USP15: variants seen among roughly 807,000 people sequenced by gnomAD.
USP15 encodes ubiquitin carboxyl-terminal hydrolase 15.
In USP15, 18 loss-of-function variants were observed where a neutral mutation model predicts 127.1. The ratio of observed to expected loss-of-function variants is 0.14; its 90% confidence interval spans 0.10 to 0.21. The LOEUF is 0.21. Ranked by LOEUF, USP15 falls within the 10% of genes least tolerant of loss-of-function variation. USP15 has a pLI of 1.00. For synonymous variants in USP15, 364 were observed against 393.7 expected, an observed-to-expected ratio of 0.92 and a Z score of 0.89; for missense variants, 805 against 1,159.9, an observed-to-expected ratio of 0.69 and a Z score of 4.44.
At chr12:62,395,091 T>C (rs2067445401) in intron 19 of USP15, among the ~76,000 whole-genome samples, 1 of 152,148 alleles carries the variant, frequency 6.6e-6, no homozygotes, top group Non-Finnish European at 1.5e-5. Flanking sequence ...ACAGCAAATG[T>C]AGAATAAAAA....
chr12:62,262,193 C>A (rs1002383953), intron 1 of USP15, among the ~76,000 whole-genome samples: 1 of 151,880 alleles, frequency 6.6e-6, no homozygotes, highest in South Asian at 2.1e-4. Flanking sequence ...AGCCGAGATC[C>A]GGCCACTGCA....
intron 8 of USP15, among the ~76,000 whole-genome samples, chr12:62,379,221 A>G (rs1041867419): frequency 1.3e-5 from 2 of 151,164 alleles, no homozygotes; most frequent in African/African-American, 4.9e-5. Context: ...AAAAAAGTAC[A>G]TTTCCAAGTA....
chr12:62,381,757 A>G, intron 9 of USP15, 94 bp downstream of exon 9: 1 of 1,300,880 alleles, frequency 7.7e-7, no homozygotes, highest in Non-Finnish European at 1.1e-6. Context: ...TAGCTATTAC[A>G]ATGGTTTGTG....
chr12:62,350,343 A>G (rs755291825), intron 7 of USP15, among the ~76,000 whole-genome samples: 1 of 152,162 alleles, frequency 6.6e-6, no homozygotes, highest in Non-Finnish European at 1.5e-5. Context: ...ATCTTTGTAT[A>G]AAAAGAATTT....
At chr12:62,338,410 C>T (rs907472435) in intron 6 of USP15, among the ~76,000 whole-genome samples, 5 of 152,102 alleles carry the variant, frequency 3.3e-5, no homozygotes, top group African/African-American at 1.2e-4. Flanking sequence ...CAGAAATTTT[C>T]TCCCATTCTG....
Position 62,405,688 on chromosome 12 carries a change from GACT to G in USP15, c.*1316_*1318del, listed in dbSNP as rs1402328649. Reference sequence around the variant, plus strand: ...AATGCTGGGGCACATTTCACATATCGACTACCTGAGAAATTGCTTTGTGTCCCA... The same window carrying G: ...AATGCTGGGGCACATTTCACATATCGACCTGAGAAATTGCTTTGTGTCCCA... On this transcript the variant is annotated 3_prime_UTR_variant, in exon 22 of 22. Coordinates refer to ENST00000280377, the MANE Select transcript of USP15 (RefSeq NM_001252078.2). 5.3e-5 allele frequency: 8 copies of G among 152,324 alleles called. No individual in the cohort carries two copies. Among genetic ancestry groups the G allele is most frequent in the Admixed American group, 3.9e-4 (6 of 15,248 alleles). 9.4% of individuals were successfully genotyped at this position (152,324 alleles called of 1,614,324 possible).
chr12:62,377,636 C>G (rs2066870872), intron 8 of USP15, among the ~76,000 whole-genome samples: 1 of 151,822 alleles, frequency 6.6e-6, no homozygotes, highest in South Asian at 2.1e-4. Context: ...AGGAGAATTT[C>G]TTGAACCTGG....
At chr12:62,358,989 C>T (rs2137464716) in intron 8 of USP15, among the ~76,000 whole-genome samples, 1 of 152,056 alleles carries the variant, frequency 6.6e-6, no homozygotes, top group Non-Finnish European at 1.5e-5. Flanking sequence ...ATATCCTGAC[C>T]TTATGAAGAT....
intron 1 of USP15, among the ~76,000 whole-genome samples, chr12:62,291,506 G>A (rs1208258250): frequency 2.6e-5 from 4 of 152,068 alleles, no homozygotes; most frequent in Non-Finnish European, 5.9e-5. Flanking sequence ...GAATTATTTA[G>A]CATTTCAGTA....
rs983968808 is a variant in USP15 at position 62,413,035 on chromosome 12, A to G, written c.*8660A>G. On this transcript the variant is annotated 3_prime_UTR_variant, in exon 22 of 22. Coordinates refer to ENST00000280377, the MANE Select transcript of USP15 (RefSeq NM_001252078.2). ...GAAAGCTGAAGTTATTCTTTGATCT[A>G]TGGCTGCAGAATGGATGTTGTGTTA... 1.3e-5 allele frequency: 2 copies of G among 152,220 alleles called. No homozygotes were observed. Among genetic ancestry groups the G allele is most frequent in the African/African-American group, 4.8e-5 (2 of 41,448 alleles). The allele number at this position is 152,220 out of a possible 1,614,324, so 9.4% of individuals were successfully genotyped here.
At chr12:62,390,695 TTAC>T (rs1306298986) in intron 14 of USP15, among the ~76,000 whole-genome samples, 166 bp from the exon 15 acceptor site, 36 of 152,252 alleles carry the variant, frequency 2.4e-4, no homozygotes, top group African/African-American at 7.5e-4. Flanking sequence ...GCAAAACAAA[TTAC>T]TAGTCAGTTA....
chr12:62,280,794 AGCT>A lies in USP15; in HGVS notation c.90-13383_90-13381del, dbSNP rs2063626572. Reference sequence around the variant, plus strand: ...CAAGGAAATGAAAGAAGGCTCTTGCAGCTGGATCTGGGCACAAAGAAAAATGGT... The same window carrying A: ...CAAGGAAATGAAAGAAGGCTCTTGCAGGATCTGGGCACAAAGAAAAATGGT... On this transcript the variant is annotated intron_variant, in intron 1 of 21. Coordinates refer to ENST00000280377, the MANE Select transcript of USP15 (RefSeq NM_001252078.2). Among the ~76,000 whole-genome samples, 6 of 152,306 alleles carry A rather than the reference AGCT, an allele frequency of 3.9e-5. No individual in the cohort carries two copies. The South Asian group carries it at 1.2e-3, about 32-fold the overall frequency.
chr12:62,272,740 A>C (rs56049136), intron 1 of USP15, among the ~76,000 whole-genome samples: 12,159 of 152,048 alleles, frequency 0.08, 590 homozygotes, highest in Middle Eastern at 0.16. Flanking sequence ...CTCCAGAGCC[A>C]TTGAAAATTA....
At position 62,295,291 on chromosome 12, in the gene USP15, A is replaced by C. The variant is rs547930760; in HGVS notation, c.217+985A>C. 6.7e-4 allele frequency among the ~76,000 whole-genome samples: 102 copies of C among 152,362 alleles called. 1 individual carries two copies. Among genetic ancestry groups the C allele is most frequent in the African/African-American group, 2.4e-3 (99 of 41,586 alleles). On this transcript the variant is annotated intron_variant, in intron 2 of 21. Coordinates refer to ENST00000280377, the MANE Select transcript of USP15 (RefSeq NM_001252078.2). Reference sequence around the variant, plus strand: ...AATCGTTTGTGTTCTCAGCAGCCAGAGTGGAAAACCACATAATTTAGAGTA... The same window carrying C: ...AATCGTTTGTGTTCTCAGCAGCCAGCGTGGAAAACCACATAATTTAGAGTA...
chr12:62,261,280 T>G (rs11174401), intron 1 of USP15, among the ~76,000 whole-genome samples: 40 of 151,996 alleles, frequency 2.6e-4, no homozygotes, highest in African/African-American at 9.7e-4. Context: ...ATACCAAAGG[T>G]TATACATTTA....
chr12:62,273,486 T>C (rs2063397038), intron 1 of USP15, among the ~76,000 whole-genome samples: 1 of 152,106 alleles, frequency 6.6e-6, no homozygotes, highest in Non-Finnish European at 1.5e-5. Context: ...TATTGCTGAG[T>C]AACTTTTCTA....
chr12:62,287,720 C>A (rs945995617), intron 1 of USP15, among the ~76,000 whole-genome samples: 12 of 151,982 alleles, frequency 7.9e-5, no homozygotes, highest in African/African-American at 2.7e-4. Flanking sequence ...ATACACCTTG[C>A]GTTAATTTTT....
intron 1 of USP15, among the ~76,000 whole-genome samples, chr12:62,286,720 C>A (rs1013359857): frequency 1.1e-4 from 17 of 151,974 alleles, no homozygotes; most frequent in Admixed American, 9.8e-4. Flanking sequence ...GGCGGGTCAC[C>A]TGAGGTCAGG....
chr12:62,382,016 A>G (rs1027062417), intron 9 of USP15, among the ~76,000 whole-genome samples: 2 of 152,042 alleles, frequency 1.3e-5, no homozygotes, highest in East Asian at 1.9e-4. Context: ...TGGAAAACCT[A>G]TGTGAATATT....
Sources: gnomAD v4.1 joint callset for allele counts (sites outside exome capture counted in the v4.1 genomes callset) on GRCh38, gnomAD v4.1.1 for gene constraint, MANE v1.5 for transcripts, NCBI Gene and HGNC (gene_info 2026-07-23, HGNC 2026-07-21) for gene names.